C2orf76: variants seen among roughly 807,000 people sequenced by gnomAD.
C2orf76 encodes UPF0538 protein C2orf76.
C2orf76 carries 23 observed loss-of-function variants against 16.9 expected under a neutral mutation model. That is an observed-to-expected ratio of 1.36 (90% confidence interval 0.98 to 1.93). The LOEUF (loss-of-function observed/expected upper bound fraction) is 1.93. Ranked by LOEUF, C2orf76 falls within the 30% of genes most tolerant of loss-of-function variation. The probability of loss-of-function intolerance (pLI) is 0.00; values close to 1 mark genes in which losing one functional copy is unlikely to be tolerated. For missense variants in C2orf76, 152 were observed against 152.6 expected (o/e 1.00, Z 0.02); for synonymous variants, 48 against 52.3 (o/e 0.92, Z 0.35).
intron 2 of C2orf76, among the ~76,000 whole-genome samples, chr2:119,321,974 T>C (rs922663142): frequency 6.6e-6 from 1 of 151,968 alleles, no homozygotes. Context: ...CCAAAATTCA[T>C]ATAACCAACA....
chr2:119,352,732 G>A (rs1488488671), intron 1 of C2orf76, among the ~76,000 whole-genome samples: 1 of 152,122 alleles, frequency 6.6e-6, no homozygotes, highest in Non-Finnish European at 1.5e-5. Context: ...AATAAATGCT[G>A]CTAAATTGAA....
chr2:119,303,714 TGTTA>T (rs1678686982), intron 5 of C2orf76, among the ~76,000 whole-genome samples: 1 of 152,226 alleles, frequency 6.6e-6, no homozygotes. Flanking sequence ...ATTTAATGTT[TGTTA>T]ATCATAAGCT....
At chr2:119,314,490 T>G (rs1415124299) in intron 4 of C2orf76, among the ~76,000 whole-genome samples, 1 of 152,336 alleles carries the variant, frequency 6.6e-6, no homozygotes. Context: ...AAACTTGAAA[T>G]GCCATATTTA....
At chr2:119,326,674 A>G (rs1679518891) in intron 2 of C2orf76, among the ~76,000 whole-genome samples, 1 of 152,134 alleles carries the variant, frequency 6.6e-6, no homozygotes, top group African/African-American at 2.4e-5. Flanking sequence ...ACATCTTAAC[A>G]GTTTTGAGTT....
the C2orf76 span, among the ~76,000 whole-genome samples, chr2:119,285,768 G>A: frequency 6.6e-6 from 1 of 152,192 alleles, no homozygotes; most frequent in Non-Finnish European, 1.5e-5. Flanking sequence ...GTAACTTTTA[G>A]AAGAGTATAT....
At chr2:119,319,339 A>C (rs1490691133) in intron 3 of C2orf76, among the ~76,000 whole-genome samples, 1 of 152,174 alleles carries the variant, frequency 6.6e-6, no homozygotes, top group Non-Finnish European at 1.5e-5. Flanking sequence ...GTGGGTAAGA[A>C]AGGAGAAATG....
At chr2:119,288,069 T>A in the C2orf76 span, among the ~76,000 whole-genome samples, 1 of 150,554 alleles carries the variant, frequency 6.6e-6, no homozygotes, top group African/African-American at 2.4e-5. Context: ...TTCTGCATCT[T>A]GACTTAGATG....
chr2:119,287,151 T>C, the C2orf76 span, among the ~76,000 whole-genome samples: 1 of 152,098 alleles, frequency 6.6e-6, no homozygotes, highest in Non-Finnish European at 1.5e-5. Flanking sequence ...CAGTAGTGAG[T>C]AAATATCTGC....
intron 1 of C2orf76, chr2:119,366,501 C>T (rs1363188587): frequency 1.3e-5 from 6 of 471,688 alleles, no homozygotes; most frequent in South Asian, 9.3e-5. Flanking sequence ...TCCACCATCA[C>T]GCTGCTCATC....
At chr2:119,288,567 T>G in the C2orf76 span, among the ~76,000 whole-genome samples, 1 of 151,928 alleles carries the variant, frequency 6.6e-6, no homozygotes, top group Non-Finnish European at 1.5e-5. Context: ...CATAAACTCA[T>G]GAAGACAAAG....
intron 5 of C2orf76, among the ~76,000 whole-genome samples, chr2:119,303,534 ACT>A (rs765477150): frequency 7.9e-5 from 12 of 152,098 alleles, no homozygotes; most frequent in Admixed American, 3.9e-4. Flanking sequence ...GACAAGTAAA[ACT>A]CTCCAAGTCA....
chr2:119,364,185 G>A (rs535397344), intron 1 of C2orf76, among the ~76,000 whole-genome samples: 3 of 152,184 alleles, frequency 2.0e-5, no homozygotes, highest in African/African-American at 7.2e-5. Flanking sequence ...GAGACCCACC[G>A]AGTGAAGCCT....
chr2:119,311,738 T>C, intron 4 of C2orf76, 35 bp from the exon 5 acceptor site: 4 of 1,569,192 alleles, frequency 2.5e-6, no homozygotes, highest in Non-Finnish European at 2.6e-6. Context: ...ATTTTATCAG[T>C]ACTTACATGG....
the C2orf76 span, among the ~76,000 whole-genome samples, chr2:119,295,929 G>C: frequency 6.6e-6 from 1 of 152,162 alleles, no homozygotes; most frequent in African/African-American, 2.4e-5. Context: ...TTTAAGTCAT[G>C]ACAACTATAT....
At chr2:119,348,405 G>T (rs1003328730) in intron 1 of C2orf76, among the ~76,000 whole-genome samples, 1 of 152,214 alleles carries the variant, frequency 6.6e-6, no homozygotes, top group African/African-American at 2.4e-5. Context: ...AAACAACTTA[G>T]GCTGGGCACA....
chr2:119,331,956 AT>A (rs1227835049), intron 2 of C2orf76, among the ~76,000 whole-genome samples: 1 of 152,192 alleles, frequency 6.6e-6, no homozygotes, highest in African/African-American at 2.4e-5. Flanking sequence ...TATTTCATTA[AT>A]AGAAAGGAAG....
intron 1 of C2orf76, chr2:119,366,335 AC>A: frequency 2.3e-6 from 1 of 438,212 alleles, no homozygotes; most frequent in Non-Finnish European, 4.7e-6. Flanking sequence ...CAAATAAGAC[AC>A]CGTCCCTGCC....
At chr2:119,348,612 G>T (rs113448562) in intron 1 of C2orf76, among the ~76,000 whole-genome samples, 2,857 of 152,242 alleles carry the variant, frequency 0.019, 36 homozygotes, top group South Asian at 0.054. Context: ...CTTGAACCGG[G>T]GAGGCAGAGG....
intron 1 of C2orf76, among the ~76,000 whole-genome samples, chr2:119,365,930 C>A (rs911505362): frequency 6.6e-6 from 1 of 152,106 alleles, no homozygotes. Context: ...CATCACCTAG[C>A]CAGTCTGCCA....
Sources: allele counts gnomAD v4.1 joint callset (sites outside exome capture counted in the v4.1 genomes callset), GRCh38; gene constraint gnomAD v4.1.1; transcripts MANE v1.5; gene names NCBI Gene and HGNC (gene_info 2026-07-23, HGNC 2026-07-21).